Variants in FER1L6 observed in about 807,000 individuals in gnomAD.
FER1L6 encodes fer-1 like family member 6.
FER1L6 carries 177 observed loss-of-function variants against 219.2 expected under a neutral mutation model. That is an observed-to-expected ratio of 0.81 (90% CI 0.71 to 0.91). FER1L6 has a LOEUF of 0.91. FER1L6 is among the 40% of genes least tolerant of loss of function. The pLI is 0.00. For synonymous variants in FER1L6, 768 were observed against 824.3 expected (o/e 0.93, Z 1.17); for missense variants, 2,153 against 2,259.9 (o/e 0.95, Z 0.96).
chr8:123,985,998 C>T, intron 11 of FER1L6, 70 bp from the exon 12 acceptor site: 1 of 833,788 alleles, frequency 1.2e-6, no homozygotes, highest in Non-Finnish European at 2.1e-6. Flanking sequence ...ATGAGGCCAG[C>T]ATCACAAAGT....
chr8:123,954,277 C>G (rs981226028), intron 1 of FER1L6, among the ~76,000 whole-genome samples: 4 of 152,138 alleles, frequency 2.6e-5, no homozygotes, highest in African/African-American at 7.2e-5. Context: ...GCCAGTCCCC[C>G]CTTCTGATGC....
intron 1 of FER1L6, among the ~76,000 whole-genome samples, chr8:123,932,885 A>G (rs1432070628): frequency 6.6e-6 from 1 of 152,230 alleles, no homozygotes; most frequent in African/African-American, 2.4e-5. Context: ...GGCCAACCAA[A>G]CAAGCTATTG....
rs1254277655 is a variant in FER1L6 at position 123,853,921 on chromosome 8, C to A, written c.-8+1736C>A. Among the ~76,000 whole-genome samples the A allele has an allele frequency of 6.6e-6, 1 of 152,198 alleles. No individual in the cohort carries two copies. Among genetic ancestry groups the A allele is most frequent in the Non-Finnish European group, 1.5e-5 (1 of 68,038 alleles). The stretch of plus-strand genomic sequence containing the variant: ...CCTGGACAGGGCAGCAGAAGGTGCA[C>A]CTCTGAGGAGCAAAGGATGCAGGGC... On this transcript the variant is annotated intron_variant, in intron 1 of 40. Transcript: ENST00000522917. This position sits in a 1 kb window ranked among gnomAD's most constrained non-coding sequence, Gnocchi z 6.6.
In FER1L6 at chr8:124,045,759, G is replaced by C. The variant is rs147024606; in HGVS notation, c.2590-8G>C. On this transcript the variant is annotated splice_polypyrimidine_tract_variant and splice_region_variant and intron_variant, in intron 20 of 40. Coordinates refer to ENST00000522917, the MANE Select transcript of FER1L6 (RefSeq NM_001039112.2). ...GATCTTTTGCTTTTCTTTGGTCCCT[G>C]CTTCCAGATAATCTCCCAGACCCTC... The C allele has an allele frequency of 1.1e-3, 1,795 of 1,613,838 alleles. 19 individuals carry two copies. The African/African-American group carries it at 0.021, about 19-fold the overall frequency.
intron 1 of FER1L6, among the ~76,000 whole-genome samples, chr8:123,949,199 A>T (rs1814637826): frequency 6.6e-6 from 1 of 152,238 alleles, no homozygotes; most frequent in South Asian, 2.1e-4. Flanking sequence ...AATGATAAAG[A>T]TGTGGTGGTC....
intron 32 of FER1L6, among the ~76,000 whole-genome samples, chr8:124,078,691 C>T (rs1255578644): frequency 1.4e-5 from 2 of 146,938 alleles, no homozygotes; most frequent in Non-Finnish European, 3.0e-5. Context: ...TGTGAAGACC[C>T]TGGGAAGGCA....
chr8:123,937,150 G>A (rs1056450605), intron 1 of FER1L6, among the ~76,000 whole-genome samples: 6 of 152,034 alleles, frequency 3.9e-5, no homozygotes, highest in African/African-American at 1.2e-4. Flanking sequence ...AAGGTGGTCC[G>A]TCCACCTCGC....
intron 18 of FER1L6, among the ~76,000 whole-genome samples, chr8:124,031,341 G>A (rs1258388385): frequency 6.6e-6 from 1 of 152,144 alleles, no homozygotes; most frequent in Non-Finnish European, 1.5e-5. Context: ...TTATGCTTAG[G>A]TTCAACAAAG....
At chr8:124,067,972 T>A (rs1184506664) in intron 28 of FER1L6, among the ~76,000 whole-genome samples, 166 bp downstream of exon 28, 1 of 152,182 alleles carries the variant, frequency 6.6e-6, no homozygotes, top group Admixed American at 6.5e-5. Flanking sequence ...GTCATGTAGC[T>A]CTTGGTGCTG....
intron 38 of FER1L6, 113 bp from the exon 39 acceptor site, chr8:124,103,033 G>T: frequency 2.0e-6 from 2 of 983,756 alleles, no homozygotes; most frequent in South Asian, 1.5e-5. Context: ...ATATGGTACT[G>T]ATTGAATGAG....
chr8:124,051,835 C>T (rs1055487442), intron 22 of FER1L6, among the ~76,000 whole-genome samples: 1 of 152,148 alleles, frequency 6.6e-6, no homozygotes, highest in African/African-American at 2.4e-5. Flanking sequence ...TTCTTAAGCT[C>T]ATCTTATCAA....
intron 28 of FER1L6, among the ~76,000 whole-genome samples, chr8:124,068,979 C>T (rs1450792755): frequency 6.6e-6 from 1 of 151,394 alleles, no homozygotes; most frequent in African/African-American, 2.4e-5. Flanking sequence ...CTCTGTCGCC[C>T]AGGCTGGAGT....
chr8:123,866,481 A>G (rs1173207737), intron 1 of FER1L6, among the ~76,000 whole-genome samples: 1 of 152,142 alleles, frequency 6.6e-6, no homozygotes, highest in Non-Finnish European at 1.5e-5. Flanking sequence ...TGGCATGCCC[A>G]TTTTAATTTC....
chr8:123,926,683 T>A (rs560798833), intron 1 of FER1L6, among the ~76,000 whole-genome samples: 1 of 152,272 alleles, frequency 6.6e-6, no homozygotes, highest in Non-Finnish European at 1.5e-5. Context: ...GCCCACAATC[T>A]CTTATTCACA....
chr8:123,877,640 C>T lies in FER1L6; in HGVS notation c.-8+25455C>T, dbSNP rs16898977. On this transcript the variant is annotated intron_variant, in intron 1 of 40. Transcript: ENST00000522917. The stretch of plus-strand genomic sequence containing the variant: ...ACTGGTAGCCTCATCTTGCTTGAAT[C>T]TACGTCTCTCAAGACTTGGATTAGC... Among the ~76,000 whole-genome samples the T allele has an allele frequency of 7.9e-3, 1,208 of 152,166 alleles. 18 individuals carry two copies. Among genetic ancestry groups the T allele is most frequent in the African/African-American group, 0.028 (1,166 of 41,502 alleles).
intron 18 of FER1L6, among the ~76,000 whole-genome samples, chr8:124,025,594 G>T (rs1384256514): frequency 2.6e-5 from 4 of 152,148 alleles, no homozygotes; most frequent in Non-Finnish European, 5.9e-5. Flanking sequence ...TGTATAATTT[G>T]AAGTCAGGTA....
intron 11 of FER1L6, among the ~76,000 whole-genome samples, 191 bp downstream of exon 11, chr8:123,981,002 T>A (rs762823486): frequency 5.9e-5 from 9 of 152,206 alleles, no homozygotes; most frequent in Admixed American, 1.3e-4. Context: ...CATCTGCCTA[T>A]GATAAATTCC....
chr8:123,855,691 G>A (rs917103638), intron 1 of FER1L6, among the ~76,000 whole-genome samples: 9 of 106,394 alleles, frequency 8.5e-5, no homozygotes, highest in African/African-American at 3.5e-4. Flanking sequence ...ATGTGTGTGT[G>A]TGTGTGTGTG....
intron 5 of FER1L6, among the ~76,000 whole-genome samples, chr8:123,968,858 C>G (rs1815672567): frequency 6.6e-6 from 1 of 152,126 alleles, no homozygotes; most frequent in African/African-American, 2.4e-5. Context: ...TTGGTCAGTT[C>G]CTCCTTTCTT....
Sources: gnomAD v4.1 joint callset for allele counts (sites outside exome capture counted in the v4.1 genomes callset) on GRCh38, gnomAD v4.1.1 for gene constraint, Gnocchi (gnomAD v3.1) non-coding constraint, MANE v1.5 for transcripts, NCBI Gene and HGNC (gene_info 2026-07-23, HGNC 2026-07-21) for gene names.